Variants in GASK1A observed in about 807,000 individuals in gnomAD.
GASK1A encodes the protein golgi associated kinase 1A, also known as Golgi-associated kinase 1A.
A neutral mutation model predicts 41.2 loss-of-function variants in GASK1A; 40 were observed. That is an observed-to-expected ratio of 0.97 (90% CI 0.75 to 1.27). The LOEUF (loss-of-function observed/expected upper bound fraction) is 1.27. GASK1A is among the 50% of genes most tolerant of loss of function. GASK1A has a pLI of 0.00. For synonymous variants in GASK1A, 316 were observed against 307.1 expected (o/e 1.03, Z -0.30); for missense variants, 678 against 745.1 (o/e 0.91, Z 1.05).
chr3:43,055,249 CTGG>C (rs2089710136), intron 3 of GASK1A, among the ~76,000 whole-genome samples, 180 bp from the exon 4 acceptor site: 1 of 152,196 alleles, frequency 6.6e-6, no homozygotes, highest in South Asian at 2.1e-4. Flanking sequence ...GACAGGATGT[CTGG>C]AAGCACTTAG....
chr3:42,989,159 A>G (rs2089327982), intron 1 of GASK1A, among the ~76,000 whole-genome samples: 1 of 152,128 alleles, frequency 6.6e-6, no homozygotes. Flanking sequence ...GCCCAGGGAT[A>G]ATGTGATAAC....
chr3:43,037,315 C>T, intron 2 of GASK1A: 1 of 873,700 alleles, frequency 1.1e-6, no homozygotes. Context: ...GACAGGGCTC[C>T]CAGCCACTCT....
At chr3:43,040,095 C>T (rs2089628435) in intron 2 of GASK1A, among the ~76,000 whole-genome samples, 1 of 152,140 alleles carries the variant, frequency 6.6e-6, no homozygotes, top group Non-Finnish European at 1.5e-5. Context: ...AGGCTATTCT[C>T]ATTTCAGCGT....
At chr3:43,005,275 C>G (rs915637842) in intron 1 of GASK1A, among the ~76,000 whole-genome samples, 1 of 152,210 alleles carries the variant, frequency 6.6e-6, no homozygotes, top group Non-Finnish European at 1.5e-5. Context: ...AACGGCTGAG[C>G]AGTATCCAGT....
At chr3:42,997,304 CT>C (rs2089380670) in intron 1 of GASK1A, among the ~76,000 whole-genome samples, 3 of 152,160 alleles carry the variant, frequency 2.0e-5, no homozygotes, top group Non-Finnish European at 4.4e-5. Context: ...CTCAATAAGT[CT>C]TGCTGATCTC....
chr3:43,053,605 T>C lies in GASK1A; in HGVS notation c.1375T>C (p.Cys459Arg), dbSNP rs2125693021. 2 of 1,551,678 alleles carry C rather than the reference T, an allele frequency of 1.3e-6. No individual in the cohort carries two copies. Residue 459 changes from cysteine to arginine, a missense_variant, in exon 3 of 5, where the codon TGC (cysteine) becomes CGC (arginine). By Grantham distance (180) the Cys-to-Arg change is radical. Transcript: ENST00000430121. ...TGTGGAAGAGAGGCTCCGAGAGAAA[T>C]GCCAGAACCCAGCCGAGCTGCGGCT... ...PCVEERLREK[C>R]QNPAELRLVH...
intron 1 of GASK1A, among the ~76,000 whole-genome samples, chr3:43,031,065 T>C (rs1307857883): frequency 6.6e-6 from 1 of 152,218 alleles, no homozygotes; most frequent in Non-Finnish European, 1.5e-5. Context: ...TTCCAGCAAA[T>C]TGCCTCACAC....
At chr3:42,996,339 C>G (rs2089369316) in intron 1 of GASK1A, among the ~76,000 whole-genome samples, 1 of 152,218 alleles carries the variant, frequency 6.6e-6, no homozygotes, top group South Asian at 2.1e-4. Context: ...TCATGTAACT[C>G]TCATAGTGTT....
rs143161344 is a variant in GASK1A at position 43,043,022 on chromosome 3, A to ACAGC, written c.1290+9481_1290+9484dup. On this transcript the variant is annotated intron_variant, in intron 2 of 4. Transcript: ENST00000430121. ...CCCCAAAGCCTCACCAAATTCTTCA[A>ACAGC]CAGCCAGCCAGCCAGTATGGGAGCA... 7.2e-5 allele frequency among the ~76,000 whole-genome samples: 11 copies of ACAGC among 152,302 alleles called. 1 individual carries two copies. The South Asian group carries it at 1.0e-3, about 14-fold the overall frequency.
rs1436075039 is a variant in GASK1A, at chr3:43,056,370, G to A, written c.1712G>A (p.Arg571Lys). 3.2e-6 allele frequency: 5 copies of A among 1,548,340 alleles called. No individual in the cohort carries two copies. In the African/African-American group the frequency reaches 6.9e-5, roughly 21 times the overall value. ...HIQKHNLTLF[R>K]DEDP Reference sequence around the variant, plus strand: ...CAAAAGCACAACCTCACACTCTTCAGGGACGAGGACCCATAAGCCGCACAC... The same window carrying A: ...CAAAAGCACAACCTCACACTCTTCAAGGACGAGGACCCATAAGCCGCACAC... Residue 571 changes from arginine to lysine, a missense_variant, in exon 5 of 5, where the codon AGG becomes AAG. Arg to Lys is a conservative substitution (Grantham distance 26, BLOSUM62 2). Coordinates refer to ENST00000430121, the MANE Select transcript of GASK1A (RefSeq NM_001129908.3).
intron 1 of GASK1A, among the ~76,000 whole-genome samples, chr3:42,995,061 T>C (rs2089362410): frequency 6.6e-6 from 1 of 152,106 alleles, no homozygotes; most frequent in Admixed American, 6.5e-5. Context: ...CTAGTGGCTC[T>C]CATATTGGAC....
At chr3:42,987,359 C>T (rs1240139456) in intron 1 of GASK1A, among the ~76,000 whole-genome samples, 1 of 152,060 alleles carries the variant, frequency 6.6e-6, no homozygotes, top group African/African-American at 2.4e-5. Flanking sequence ...AGTCCTCTTT[C>T]CAAATAAGGA....
chr3:42,998,236 G>T (rs1354069269), intron 1 of GASK1A, among the ~76,000 whole-genome samples: 1 of 152,152 alleles, frequency 6.6e-6, no homozygotes, highest in Non-Finnish European at 1.5e-5. Context: ...TTGGATGAAG[G>T]GTCAGCTTTT....
chr3:42,988,015 G>A lies in GASK1A; in HGVS notation c.3+8370G>A, dbSNP rs575258279. Among the ~76,000 whole-genome samples the A allele has an allele frequency of 5.1e-3, 165 of 32,524 alleles. 1 individual carries two copies. Among genetic ancestry groups the A allele is most frequent in the African/African-American group, 0.012 (162 of 12,962 alleles). 21.3% of individuals were successfully genotyped at this position (32,524 alleles called of 152,430 possible). ...CTCTAGCTCAAAAAAAAAAAGGGAT[G>A]GGGGTAGGATAGAGAGAATTCCAAC... On this transcript the variant is annotated intron_variant, in intron 1 of 4. Coordinates refer to ENST00000430121, the MANE Select transcript of GASK1A (RefSeq NM_001129908.3).
chr3:43,047,423 AG>A (rs1189392568), intron 2 of GASK1A, among the ~76,000 whole-genome samples: 1 of 152,338 alleles, frequency 6.6e-6, no homozygotes, highest in Admixed American at 6.5e-5. Flanking sequence ...TCTGGGCTGT[AG>A]GGGACCCAGC....
At chr3:42,983,043 C>T (rs996734743) in intron 1 of GASK1A, among the ~76,000 whole-genome samples, 1 of 152,176 alleles carries the variant, frequency 6.6e-6, no homozygotes, top group Non-Finnish European at 1.5e-5. Context: ...CTCCACTCTC[C>T]ATGTAGGTCC....
intron 3 of GASK1A, 35 bp downstream of exon 3, chr3:43,053,678 A>T: frequency 6.4e-7 from 1 of 1,551,352 alleles, no homozygotes. Context: ...TTGTCACCCC[A>T]GACCCAGGTC....
chr3:43,051,217 T>G (rs1048056164), intron 2 of GASK1A, among the ~76,000 whole-genome samples: 2 of 152,212 alleles, frequency 1.3e-5, no homozygotes, highest in African/African-American at 2.4e-5. Flanking sequence ...TTTATTTGCT[T>G]GTTTTATTTT....
chr3:43,045,783 G>A (rs775908393), intron 2 of GASK1A, among the ~76,000 whole-genome samples: 4 of 152,154 alleles, frequency 2.6e-5, no homozygotes, highest in Non-Finnish European at 5.9e-5. Context: ...ATTGAATCAT[G>A]GGGGTTGGTT....
Sources: gnomAD v4.1 joint callset for allele counts (sites outside exome capture counted in the v4.1 genomes callset) on GRCh38, gnomAD v4.1.1 for gene constraint, MANE v1.5 for transcripts, NCBI Gene and HGNC (gene_info 2026-07-23, HGNC 2026-07-21) for gene names.